FSTL5: variants seen among roughly 807,000 people sequenced by gnomAD.
FSTL5 encodes the protein follistatin-related protein 5.
In FSTL5, 62 loss-of-function variants were observed where a neutral mutation model predicts 89.1. That is an observed-to-expected ratio of 0.70 (90% CI 0.57 to 0.86). The LOEUF (loss-of-function observed/expected upper bound fraction) is 0.86, where lower values mean the gene tolerates loss of function less well. Ranked by LOEUF, FSTL5 falls within the 40% of genes least tolerant of loss-of-function variation. The pLI is 0.00. For synonymous variants in FSTL5, 383 were observed against 346.2 expected (o/e 1.11, Z -1.18); for missense variants, 1,057 against 1,001.6 (o/e 1.06, Z -0.75).
At chr4:162,007,473 T>A (rs1037887373) in intron 3 of FSTL5, among the ~76,000 whole-genome samples, 1 of 151,838 alleles carries the variant, frequency 6.6e-6, no homozygotes, top group Non-Finnish European at 1.5e-5. Context: ...AAAATATATA[T>A]AAACAGCAAC....
At chr4:161,799,335 A>G (rs1729728471) in intron 4 of FSTL5, among the ~76,000 whole-genome samples, 1 of 151,750 alleles carries the variant, frequency 6.6e-6, no homozygotes, top group African/African-American at 2.4e-5. Flanking sequence ...GAGATCCAAT[A>G]AAATATTAAT....
intron 7 of FSTL5, among the ~76,000 whole-genome samples, chr4:161,650,080 A>C (rs1038280407): frequency 3.9e-5 from 6 of 152,350 alleles, no homozygotes; most frequent in Admixed American, 3.3e-4. Flanking sequence ...AACTTTAACT[A>C]ATTTTCCCCC....
chr4:161,603,166 T>C (rs953971538), intron 7 of FSTL5, among the ~76,000 whole-genome samples: 3 of 152,080 alleles, frequency 2.0e-5, no homozygotes, highest in African/African-American at 7.2e-5. Context: ...ATAGTAATTA[T>C]ACACACACAC....
intron 2 of FSTL5, among the ~76,000 whole-genome samples, chr4:162,081,831 CCTT>C (rs1216316819): frequency 2.6e-5 from 4 of 151,160 alleles, no homozygotes; most frequent in African/African-American, 4.8e-5. Flanking sequence ...CACACACACA[CCTT>C]CTTAAGCCGA....
At chr4:161,788,128 G>A (rs370164127) in intron 4 of FSTL5, among the ~76,000 whole-genome samples, 1 of 151,866 alleles carries the variant, frequency 6.6e-6, no homozygotes, top group African/African-American at 2.4e-5. Flanking sequence ...AAGTTTTATT[G>A]GTTTTTAATT....
chr4:161,630,650 T>C (rs1735472180), intron 7 of FSTL5, among the ~76,000 whole-genome samples: 1 of 152,226 alleles, frequency 6.6e-6, no homozygotes, highest in Non-Finnish European at 1.5e-5. Context: ...TCCACAAAGA[T>C]GAATAATAAA....
At chr4:161,642,152 C>T (rs1023397760) in intron 7 of FSTL5, among the ~76,000 whole-genome samples, 2 of 152,086 alleles carry the variant, frequency 1.3e-5, no homozygotes, top group Non-Finnish European at 2.9e-5. Flanking sequence ...ATATCCATTA[C>T]CTCACATGGC....
chr4:161,851,582 T>A (rs1731550442), intron 4 of FSTL5, among the ~76,000 whole-genome samples: 1 of 152,150 alleles, frequency 6.6e-6, no homozygotes, highest in Non-Finnish European at 1.5e-5. Flanking sequence ...GCATGAAATA[T>A]GTGTATATAT....
chr4:161,966,552 T>C (rs1171150483), intron 3 of FSTL5, among the ~76,000 whole-genome samples: 2 of 152,108 alleles, frequency 1.3e-5, no homozygotes, highest in African/African-American at 4.8e-5. Context: ...ATGCTAATCC[T>C]ATATGATTGG....
intron 2 of FSTL5, among the ~76,000 whole-genome samples, chr4:162,061,542 A>G: frequency 6.6e-6 from 1 of 152,142 alleles, no homozygotes; most frequent in Non-Finnish European, 1.5e-5. Flanking sequence ...TACTCTGATG[A>G]CTCTCAGAAA....
At chr4:162,024,980 C>T (rs1413637910) in intron 3 of FSTL5, among the ~76,000 whole-genome samples, 2 of 151,970 alleles carry the variant, frequency 1.3e-5, no homozygotes, top group Non-Finnish European at 2.9e-5. Flanking sequence ...ATTATTATAA[C>T]GTCAAATTCG....
At chr4:161,811,636 A>G (rs1730150314) in intron 4 of FSTL5, among the ~76,000 whole-genome samples, 1 of 152,134 alleles carries the variant, frequency 6.6e-6, no homozygotes, top group African/African-American at 2.4e-5. Flanking sequence ...TGTTGATTAT[A>G]TCAAGCGGGC....
At chr4:162,059,715 C>T (rs1353991729) in intron 2 of FSTL5, among the ~76,000 whole-genome samples, 1 of 152,062 alleles carries the variant, frequency 6.6e-6, no homozygotes, top group South Asian at 2.1e-4. Context: ...TAATCTATAA[C>T]TCATACAAAT....
At chr4:161,600,390 T>A (rs988945216) in intron 7 of FSTL5, among the ~76,000 whole-genome samples, 3 of 152,044 alleles carry the variant, frequency 2.0e-5, no homozygotes, top group African/African-American at 7.2e-5. Context: ...GGCTTCAGAT[T>A]CATTGGTAAG....
At chr4:161,911,899 C>T (rs1473834925) in intron 4 of FSTL5, among the ~76,000 whole-genome samples, 1 of 152,078 alleles carries the variant, frequency 6.6e-6, no homozygotes, top group African/African-American at 2.4e-5. Flanking sequence ...ACTTTTTTCA[C>T]ATAACTATCT....
intron 1 of FSTL5, 116 bp from the exon 2 acceptor site, chr4:162,111,528 G>A (rs1164003138): frequency 1.1e-5 from 8 of 714,066 alleles, no homozygotes; most frequent in Admixed American, 3.2e-5. Context: ...AAAACTTGCT[G>A]GTAGTTGCCA....
At chr4:162,065,800 A>G (rs1461516408) in intron 2 of FSTL5, among the ~76,000 whole-genome samples, 1 of 152,074 alleles carries the variant, frequency 6.6e-6, no homozygotes, top group East Asian at 1.9e-4. Flanking sequence ...GCCAAAGTAT[A>G]AAAATTACCC....
chr4:161,516,394 T>G (rs1730831660), intron 10 of FSTL5, among the ~76,000 whole-genome samples: 1 of 140,466 alleles, frequency 7.1e-6, no homozygotes, highest in South Asian at 2.2e-4. Flanking sequence ...TGTGAATTCA[T>G]TATATGTAAA....
intron 3 of FSTL5, among the ~76,000 whole-genome samples, chr4:161,959,843 T>C (rs1168991051): frequency 6.6e-6 from 1 of 152,112 alleles, no homozygotes; most frequent in Non-Finnish European, 1.5e-5. Flanking sequence ...TACTAAGTGG[T>C]GTCTTGGTTG....
Sources: gnomAD v4.1 joint callset for allele counts (sites outside exome capture counted in the v4.1 genomes callset) on GRCh38, gnomAD v4.1.1 for gene constraint, MANE v1.5 for transcripts, NCBI Gene and HGNC (gene_info 2026-07-23, HGNC 2026-07-21) for gene names.